LRRK1: variants seen among roughly 807,000 people sequenced by gnomAD.
The protein encoded by LRRK1 is leucine rich repeat kinase 1.
Under a neutral mutation model 209.1 loss-of-function variants are expected in LRRK1, and 113 were observed. The ratio of observed to expected loss-of-function variants is 0.54; its 90% CI spans 0.46 to 0.63. The LOEUF is 0.63. Among genes scored for constraint, LRRK1 ranks in the 30% least tolerant of loss-of-function variants. The pLI, the probability that LRRK1 is intolerant of heterozygous loss-of-function variation, is 0.00. For missense variants in LRRK1, 2,284 were observed against 2,632.2 expected (o/e 0.87, Z 2.89); for synonymous variants, 1,144 against 1,099.7 (o/e 1.04, Z -0.80).
chr15:101,067,291 G>C (rs755912560), intron 33 of LRRK1: 4 of 456,240 alleles, frequency 8.8e-6, no homozygotes, highest in Admixed American at 7.0e-5. Flanking sequence ...GGCCTGTCCG[G>C]GACATGGTCT....
At chr15:100,935,487 G>T (rs954186693) in intron 2 of LRRK1, among the ~76,000 whole-genome samples, 11 of 152,288 alleles carry the variant, frequency 7.2e-5, no homozygotes, top group Non-Finnish European at 1.6e-4. Context: ...TGGGGCTGGA[G>T]AGGTAAAGCC....
At position 101,065,422 on chromosome 15, in the gene LRRK1, C is replaced by T. The variant is rs373755921; in HGVS notation, c.4985C>T (p.Pro1662Leu). The stretch of plus-strand genomic sequence containing the variant: ...GTGTTTCCCGTGGTGCGGGGCACCC[C>T]AAAGGACAGCTGCTCCTACCTGTGC... ...VAVFPVVRGTPKDSCSYLCSH... is the reference protein window; with the variant it reads ...VAVFPVVRGTLKDSCSYLCSH... Residue 1662 changes from proline (P) to leucine (L), a missense_variant, in exon 32 of 34, where the codon CCA becomes CTA. By Grantham distance (98) the Pro-to-Leu change is moderately conservative. Transcript: ENST00000388948. 18 of 1,614,162 alleles carry T rather than the reference C, an allele frequency of 1.1e-5. No individual in the cohort carries two copies. Among genetic ancestry groups the T allele is most frequent in the South Asian group, 4.4e-5 (4 of 91,082 alleles).
chr15:101,015,988 CT>C (rs112045047), intron 12 of LRRK1, among the ~76,000 whole-genome samples: 29,593 of 143,204 alleles, frequency 0.21, 3,105 homozygotes, highest in East Asian at 0.34. Flanking sequence ...TCTTCCTCTT[CT>C]TTTTTTTTTT....
intron 32 of LRRK1, 124 bp from the exon 33 acceptor site, chr15:101,066,516 T>G: frequency 1.1e-6 from 1 of 907,394 alleles, no homozygotes; most frequent in Non-Finnish European, 1.8e-6. Flanking sequence ...CCCCATAACT[T>G]AATCCCTTAG....
At chr15:100,966,559 A>G (rs2030473539) in intron 2 of LRRK1, among the ~76,000 whole-genome samples, 2 of 152,224 alleles carry the variant, frequency 1.3e-5, no homozygotes, top group African/African-American at 4.8e-5. Flanking sequence ...AATTTAAATA[A>G]AGGTTAACCA....
At chr15:100,963,183 C>T (rs1158804040) in intron 2 of LRRK1, among the ~76,000 whole-genome samples, 3 of 151,970 alleles carry the variant, frequency 2.0e-5, no homozygotes, top group Admixed American at 1.3e-4. Flanking sequence ...TGGTTTGTCA[C>T]GGCCTCTGTC....
At chr15:100,949,754 G>T (rs1242130670) in intron 2 of LRRK1, among the ~76,000 whole-genome samples, 3 of 151,886 alleles carry the variant, frequency 2.0e-5, no homozygotes, top group Admixed American at 6.6e-5. Context: ...TAGAATAAAG[G>T]AGAAAAAATA....
intron 4 of LRRK1, among the ~76,000 whole-genome samples, chr15:100,985,640 G>A (rs1381049920): frequency 6.6e-6 from 1 of 152,216 alleles, no homozygotes; most frequent in Non-Finnish European, 1.5e-5. Flanking sequence ...AGTGAAGGAA[G>A]GACTTGGGTT....
intron 4 of LRRK1, among the ~76,000 whole-genome samples, chr15:100,988,272 T>TA (rs2031976897): frequency 7.9e-6 from 1 of 126,198 alleles, no homozygotes; most frequent in East Asian, 2.4e-4. Context: ...ACTCAATAGG[T>TA]AATTTTTTAA....
chr15:100,981,787 G>A (rs2031614989), intron 3 of LRRK1, among the ~76,000 whole-genome samples: 1 of 152,196 alleles, frequency 6.6e-6, no homozygotes, highest in African/African-American at 2.4e-5. Context: ...TCCAGCATCT[G>A]GCACCTGGTG....
chr15:100,968,668 CTT>C (rs1016173072), intron 2 of LRRK1, among the ~76,000 whole-genome samples: 4 of 141,870 alleles, frequency 2.8e-5, no homozygotes, highest in Non-Finnish European at 6.0e-5. Flanking sequence ...TTCTTTCTTT[CTT>C]TTTCTTTCTT....
chr15:101,033,887 C>T (rs1022495318), intron 20 of LRRK1, among the ~76,000 whole-genome samples: 4 of 152,220 alleles, frequency 2.6e-5, no homozygotes, highest in Non-Finnish European at 5.9e-5. Context: ...CAGCCAACAG[C>T]GTATAAGAGT....
chr15:100,939,265 C>T (rs546248815), intron 2 of LRRK1, among the ~76,000 whole-genome samples: 13 of 152,276 alleles, frequency 8.5e-5, no homozygotes, highest in African/African-American at 3.1e-4. Context: ...ATCTTTCTCC[C>T]TCAATTTCTT....
chr15:100,955,516 C>T (rs949669462), intron 2 of LRRK1, among the ~76,000 whole-genome samples: 3 of 152,080 alleles, frequency 2.0e-5, no homozygotes, highest in Admixed American at 2.0e-4. Flanking sequence ...ATTTCTCTGG[C>T]TAGGACTTCT....
chr15:101,049,748 A>G lies in LRRK1; in HGVS notation c.3404A>G (p.Asp1135Gly), dbSNP rs1455038791. ...TTCTCAGCCATGGCTTTCATCACGG[A>G]CCACGTCAATTCCTTGATTGATCAG... ...RDFSAMAFIT[D>G]HVNSLIDQWF... Residue 1135 changes from aspartate to glycine, a missense_variant, in exon 23 of 34, where the codon GAC becomes GGC. Asp to Gly is a moderately conservative substitution (Grantham distance 94). Around this residue, in one of 6 missense-constraint regions of LRRK1, gnomAD observed 780 missense variants for 985.2 expected, o/e 0.79. Transcript: ENST00000388948. The G allele has an allele frequency of 3.1e-6, 5 of 1,614,052 alleles. No homozygotes were observed. In the South Asian group the frequency reaches 5.5e-5, roughly 18 times the overall value.
intron 10 of LRRK1, 69 bp downstream of exon 10, chr15:101,012,214 A>G (rs1179623211): frequency 3.8e-5 from 50 of 1,316,098 alleles, no homozygotes; most frequent in Admixed American, 3.4e-4. Context: ...TTGCAGTGAA[A>G]TGTATGTGCT....
chr15:101,071,740 CA>C lies in LRRK1; in HGVS notation c.*2893del, dbSNP rs2036813681. 6.6e-6 allele frequency: 1 copy of C among 152,196 alleles called. No homozygotes were observed. The highest frequency in any genetic ancestry group is 2.4e-5 in the African/African-American group (1 of 41,432). 9.4% of individuals were successfully genotyped at this position (152,196 alleles called of 1,614,324 possible). ...CCTCATAGGTAGAGTTGACAATAAG[CA>C]CACAAACAAGTGAGATAGCAGGGCA... On this transcript the variant is annotated 3_prime_UTR_variant, in exon 34 of 34. Coordinates refer to ENST00000388948, the MANE Select transcript of LRRK1 (RefSeq NM_024652.6).
intron 6 of LRRK1, among the ~76,000 whole-genome samples, chr15:101,007,211 T>C (rs1277043007): frequency 6.6e-6 from 1 of 152,212 alleles, no homozygotes; most frequent in Non-Finnish European, 1.5e-5. Flanking sequence ...CCCACGTTAT[T>C]GGGACCTTTC....
At chr15:101,018,206 A>G (rs1312845814) in intron 12 of LRRK1, among the ~76,000 whole-genome samples, 1 of 151,490 alleles carries the variant, frequency 6.6e-6, no homozygotes, top group Admixed American at 6.6e-5. Context: ...AGACAACACA[A>G]TAGGCAAAAA....
Sources: allele counts gnomAD v4.1 joint callset (sites outside exome capture counted in the v4.1 genomes callset), GRCh38; gene constraint gnomAD v4.1.1; regional missense constraint gnomAD v4.1.1; transcripts MANE v1.5; gene names NCBI Gene and HGNC (gene_info 2026-07-23, HGNC 2026-07-21).